TAX1BP1: variants seen among roughly 807,000 people sequenced by gnomAD.
TAX1BP1 encodes the protein tax1-binding protein 1.
A neutral mutation model predicts 97.7 loss-of-function variants in TAX1BP1; 62 were observed. That is an observed-to-expected ratio of 0.63 (90% CI 0.52 to 0.78). TAX1BP1 has a LOEUF of 0.78. Ranked by LOEUF, TAX1BP1 falls within the 30% of genes least tolerant of loss-of-function variation. The pLI is 0.00. For missense variants in TAX1BP1, 867 were observed against 916.1 expected (o/e 0.95, Z 0.69); for synonymous variants, 340 against 304.2 (o/e 1.12, Z -1.23).
chr7:27,763,871 G>A (rs1344832461), intron 3 of TAX1BP1, among the ~76,000 whole-genome samples: 1 of 152,154 alleles, frequency 6.6e-6, no homozygotes, highest in East Asian at 1.9e-4. Flanking sequence ...TTCTAGTTAA[G>A]CTTTTAAATA....
At chr7:27,789,050 A>T (rs755673430) in intron 8 of TAX1BP1, among the ~76,000 whole-genome samples, 11 of 151,942 alleles carry the variant, frequency 7.2e-5, no homozygotes, top group Non-Finnish European at 1.0e-4. Context: ...ATTATTACTC[A>T]TGTGTTTCCA....
chr7:27,803,196 G>C lies in TAX1BP1; in HGVS notation c.1764+3106G>C, dbSNP rs538176845. On this transcript the variant is annotated intron_variant, in intron 13 of 16. Transcript: ENST00000396319. ...CAGGGAGAAGGTATTGAGCAATGTA[G>C]TTAAACAAATGTGTATCACATGAAA... 3 of 1,516,104 alleles carry C rather than the reference G, an allele frequency of 2.0e-6. No homozygotes were observed. In the African/African-American group the frequency reaches 4.1e-5, roughly 21 times the overall value. The allele number at this position is 1,516,104 out of a possible 1,614,324, so 93.9% of individuals were successfully genotyped here. A position where few individuals can be genotyped will look rare whatever the true frequency, so the allele number is the denominator to read the frequency against.
intron 5 of TAX1BP1, among the ~76,000 whole-genome samples, chr7:27,770,588 G>T (rs749470357): frequency 6.6e-6 from 1 of 152,030 alleles, no homozygotes; most frequent in South Asian, 2.1e-4. Context: ...TGAGGGTGGG[G>T]TCTGTTCTGT....
In TAX1BP1 at chr7:27,742,439, G is replaced by A. The variant is rs138073699; in HGVS notation, c.-8+2170G>A. Among the ~76,000 whole-genome samples, 153 of 152,310 alleles carry A rather than the reference G, an allele frequency of 1.0e-3. 1 individual carries two copies. The highest frequency in any genetic ancestry group is 3.5e-3 in the African/African-American group (147 of 41,566). On this transcript the variant is annotated intron_variant, in intron 1 of 16. Coordinates refer to ENST00000396319, the MANE Select transcript of TAX1BP1 (RefSeq NM_006024.7). Reference sequence around the variant, plus strand: ...GCACATCTTGCACAACCCTTAATCCGTTTAACCGTGAGTTTGACACAGCAC... The same window carrying A: ...GCACATCTTGCACAACCCTTAATCCATTTAACCGTGAGTTTGACACAGCAC...
At chr7:27,803,023 CGTAAAACA>C in intron 13 of TAX1BP1, 2 of 1,262,046 alleles carry the variant, frequency 1.6e-6, no homozygotes, top group East Asian at 5.3e-5. Context: ...GAATTATTTT[CGTAAAACA>C]GTATAAACCA....
At chr7:27,801,686 A>G (rs1790143652) in intron 13 of TAX1BP1, among the ~76,000 whole-genome samples, 1 of 152,230 alleles carries the variant, frequency 6.6e-6, no homozygotes, top group Non-Finnish European at 1.5e-5. Flanking sequence ...GTAATCATCT[A>G]TAAGCCATGG....
intron 5 of TAX1BP1, 22 bp from the exon 6 acceptor site, chr7:27,785,141 A>G: frequency 1.3e-6 from 2 of 1,579,254 alleles, no homozygotes; most frequent in Non-Finnish European, 1.7e-6. Context: ...TTTTCTCAAA[A>G]TACCTTGTTG....
At chr7:27,791,798 A>G (rs1465252831) in intron 8 of TAX1BP1, among the ~76,000 whole-genome samples, 1 of 152,210 alleles carries the variant, frequency 6.6e-6, no homozygotes, top group Non-Finnish European at 1.5e-5. Flanking sequence ...AAGTAGTAGC[A>G]GTGAAACCAA....
At chr7:27,786,040 AT>A (rs1231869365) in intron 7 of TAX1BP1, among the ~76,000 whole-genome samples, 1 of 152,094 alleles carries the variant, frequency 6.6e-6, no homozygotes, top group Non-Finnish European at 1.5e-5. Context: ...TAATAATCCC[AT>A]TTTAGAGTTT....
At chr7:27,814,605 C>A (rs902847781) in intron 13 of TAX1BP1, among the ~76,000 whole-genome samples, 2 of 152,012 alleles carry the variant, frequency 1.3e-5, no homozygotes, top group Non-Finnish European at 2.9e-5. Context: ...AACATTTTAT[C>A]TATTGATTTT....
At chr7:27,789,903 C>G (rs1053888289) in intron 8 of TAX1BP1, among the ~76,000 whole-genome samples, 1 of 151,902 alleles carries the variant, frequency 6.6e-6, no homozygotes, top group African/African-American at 2.4e-5. Flanking sequence ...AAAAATTTCT[C>G]TAAGCATCTT....
At chr7:27,781,721 T>A (rs76305287) in intron 5 of TAX1BP1, among the ~76,000 whole-genome samples, 2,240 of 144,186 alleles carry the variant, frequency 0.016, 51 homozygotes, top group African/African-American at 0.058. Context: ...AATTAATTAA[T>A]TTTTTTTTTT....
chr7:27,794,850 CTAT>C (rs764649182), intron 11 of TAX1BP1, among the ~76,000 whole-genome samples: 4 of 152,212 alleles, frequency 2.6e-5, no homozygotes, highest in Middle Eastern at 3.4e-3. Flanking sequence ...AAAAAATCCC[CTAT>C]TATTCTCATA....
At chr7:27,760,543 C>A (rs552453847) in intron 3 of TAX1BP1, among the ~76,000 whole-genome samples, 1 of 152,174 alleles carries the variant, frequency 6.6e-6, no homozygotes, top group East Asian at 1.9e-4. Context: ...GAGGCGCCCG[C>A]CACCATGCCT....
chr7:27,765,968 G>A lies in TAX1BP1; in HGVS notation c.400G>A (p.Asp134Asn). The change falls in exon 4 of 17, where the codon GAT becomes AAT. Residue 134 changes from aspartate (D) to asparagine (N), a missense_variant. Asp to Asn is a conservative substitution (Grantham distance 23, BLOSUM62 1). Around this residue, in one of 3 missense-constraint regions of TAX1BP1, gnomAD observed 822 missense variants for 851.4 expected, o/e 0.97. Coordinates refer to ENST00000396319, the MANE Select transcript of TAX1BP1 (RefSeq NM_006024.7). ...SPVEELLTMEDEGNSDMLVVT... is the reference protein window; with the variant it reads ...SPVEELLTMENEGNSDMLVVT... The stretch of plus-strand genomic sequence containing the variant: ...AGTTGAAGAGCTGCTTACTATGGAA[G>A]ATGAAGGAAATTCTGACATGTTAGT... The A allele has an allele frequency of 6.2e-7, 1 of 1,614,176 alleles. No homozygotes were observed. Among genetic ancestry groups the A allele is most frequent in the Non-Finnish European group, 8.5e-7 (1 of 1,180,040 alleles).
In TAX1BP1 at chr7:27,829,096, A is replaced by T; in HGVS notation, c.*267A>T. ...CTTTATTTATTCCCTAGTTTGCAGA[A>T]CTGTCTGAATAAAGGATACAAGGAT... On this transcript the variant is annotated 3_prime_UTR_variant, in exon 17 of 17. Coordinates refer to ENST00000396319, the MANE Select transcript of TAX1BP1 (RefSeq NM_006024.7). 3.0e-6 allele frequency: 1 copy of T among 332,908 alleles called. No individual in the cohort carries two copies. 20.6% of individuals were successfully genotyped at this position (332,908 alleles called of 1,614,324 possible). A position where few individuals can be genotyped will look rare whatever the true frequency, so the allele number is the denominator to read the frequency against.
chr7:27,828,927 T>G lies in TAX1BP1; in HGVS notation c.*98T>G. 1 of 954,876 alleles carries G rather than the reference T, an allele frequency of 1.0e-6. No homozygotes were observed. The highest frequency in any genetic ancestry group is 1.5e-6 in the Non-Finnish European group (1 of 653,594). The allele number at this position is 954,876 out of a possible 1,614,324, so 59.2% of individuals were successfully genotyped here. On this transcript the variant is annotated 3_prime_UTR_variant, in exon 17 of 17. Coordinates refer to ENST00000396319, the MANE Select transcript of TAX1BP1 (RefSeq NM_006024.7). ...TGAGGAGACCATAGAGCGGATGCTT[T>G]CATGCACCCTTTACTGCACTTTCTG...
At chr7:27,790,924 G>A (rs1789680191) in intron 8 of TAX1BP1, among the ~76,000 whole-genome samples, 1 of 151,874 alleles carries the variant, frequency 6.6e-6, no homozygotes, top group South Asian at 2.1e-4. Context: ...TTTGATTGTT[G>A]GTGAGTTGAA....
intron 5 of TAX1BP1, among the ~76,000 whole-genome samples, chr7:27,771,586 A>C (rs1788852286): frequency 6.6e-6 from 1 of 152,010 alleles, no homozygotes; most frequent in Admixed American, 6.6e-5. Flanking sequence ...TAAAGGGGTT[A>C]AGGACTACAG....
Sources: gnomAD v4.1 joint callset for allele counts (sites outside exome capture counted in the v4.1 genomes callset) on GRCh38, gnomAD v4.1.1 for gene constraint, gnomAD v4.1.1 regional missense constraint, MANE v1.5 for transcripts, NCBI Gene and HGNC (gene_info 2026-07-23, HGNC 2026-07-21) for gene names.